PLD5: variants seen among roughly 807,000 people sequenced by gnomAD.
PLD5 encodes the protein inactive phospholipase D5.
A neutral mutation model predicts 61.1 loss-of-function variants in PLD5; 36 were observed. The ratio of observed to expected loss-of-function variants is 0.59; its 90% CI spans 0.45 to 0.78. The LOEUF is 0.78. Among genes scored for constraint, PLD5 ranks in the 30% least tolerant of loss-of-function variants. PLD5 has a pLI of 0.00. For synonymous variants in PLD5, 243 were observed against 242.8 expected (o/e 1.00, Z -0.01); for missense variants, 515 against 644.4 (o/e 0.80, Z 2.17).
chr1:242,275,387 ACTTAT>A (rs1674356865), intron 3 of PLD5, among the ~76,000 whole-genome samples: 1 of 152,110 alleles, frequency 6.6e-6, no homozygotes, highest in Non-Finnish European at 1.5e-5. Context: ...TTATTTACTT[ACTTAT>A]ATCTTACTGA....
chr1:242,102,947 T>C (rs1209534400), intron 8 of PLD5, among the ~76,000 whole-genome samples: 4 of 152,224 alleles, frequency 2.6e-5, no homozygotes, highest in Non-Finnish European at 5.9e-5. Context: ...TTCCTTGTAA[T>C]TTTTTGTAAT....
intron 3 of PLD5, among the ~76,000 whole-genome samples, chr1:242,271,201 CAGAGAGAGAGAGAGAGAGAGAG>C (rs60075638): frequency 2.0e-5 from 2 of 102,072 alleles, no homozygotes; most frequent in Non-Finnish European, 3.7e-5. Context: ...CACACACACA[CAGAGAGAGAGAGAGAGAGAGAG>C]AGAGAGAGAG....
intron 3 of PLD5, among the ~76,000 whole-genome samples, chr1:242,266,959 A>G (rs1673714910): frequency 6.6e-6 from 1 of 152,048 alleles, no homozygotes; most frequent in Non-Finnish European, 1.5e-5. Flanking sequence ...TCTACTAAAA[A>G]TACAAAAATC....
intron 1 of PLD5, among the ~76,000 whole-genome samples, chr1:242,488,325 C>G (rs892681572): frequency 6.6e-6 from 1 of 152,082 alleles, no homozygotes; most frequent in African/African-American, 2.4e-5. Context: ...ATCAAGATGT[C>G]CTTCAAGGGA....
At chr1:242,354,681 T>C (rs1432395004) in intron 1 of PLD5, among the ~76,000 whole-genome samples, 1 of 152,072 alleles carries the variant, frequency 6.6e-6, no homozygotes, top group African/African-American at 2.4e-5. Context: ...ATAGAAGTGA[T>C]GAGAATGGGC....
intron 1 of PLD5, among the ~76,000 whole-genome samples, chr1:242,352,439 T>C (rs1189455130): frequency 4.6e-5 from 7 of 152,224 alleles, no homozygotes; most frequent in Non-Finnish European, 1.0e-4. Context: ...TTTTCAAAAC[T>C]CCATTCATCT....
intron 2 of PLD5, among the ~76,000 whole-genome samples, chr1:242,347,264 G>A (rs565541992): frequency 1.6e-4 from 24 of 152,238 alleles, no homozygotes; most frequent in Admixed American, 4.6e-4. Context: ...TAGGAAAGTT[G>A]GGGGGTGGTC....
intron 5 of PLD5, among the ~76,000 whole-genome samples, chr1:242,139,919 G>A (rs1664032973): frequency 2.6e-5 from 4 of 152,184 alleles, no homozygotes; most frequent in Admixed American, 1.3e-4. Context: ...TCTGTCTGAA[G>A]AGACTCTTCT....
chr1:242,409,551 A>G (rs73132305), intron 1 of PLD5, among the ~76,000 whole-genome samples: 5,001 of 152,170 alleles, frequency 0.033, 288 homozygotes, highest in African/African-American at 0.11. Context: ...CTTTGTGTGT[A>G]TGGTTTTAAG....
intron 1 of PLD5, among the ~76,000 whole-genome samples, chr1:242,395,804 C>A (rs1018245039): frequency 6.6e-6 from 1 of 152,190 alleles, no homozygotes; most frequent in Non-Finnish European, 1.5e-5. Flanking sequence ...AATCCCAGCA[C>A]TCTGGGAGGC....
At chr1:242,243,988 A>G (rs902597560) in intron 4 of PLD5, among the ~76,000 whole-genome samples, 1 of 152,228 alleles carries the variant, frequency 6.6e-6, no homozygotes, top group Non-Finnish European at 1.5e-5. Flanking sequence ...TTTAGAAGGC[A>G]TAAGAGCAAT....
chr1:242,332,064 G>C (rs1380300236), intron 2 of PLD5, among the ~76,000 whole-genome samples: 2 of 151,984 alleles, frequency 1.3e-5, no homozygotes, highest in Admixed American at 6.6e-5. Flanking sequence ...AGACCCCAGT[G>C]TGTGATGTTC....
intron 5 of PLD5, among the ~76,000 whole-genome samples, chr1:242,135,350 G>T (rs1202404135): frequency 6.6e-6 from 1 of 152,158 alleles, no homozygotes; most frequent in Non-Finnish European, 1.5e-5. Context: ...GAGCTGGAGT[G>T]CACACTTCTG....
At chr1:242,164,945 C>G (rs1666192685) in intron 5 of PLD5, among the ~76,000 whole-genome samples, 2 of 152,130 alleles carry the variant, frequency 1.3e-5, no homozygotes, top group African/African-American at 4.8e-5. Context: ...TTCCACAGAC[C>G]ACATGACTGT....
intron 4 of PLD5, among the ~76,000 whole-genome samples, chr1:242,231,518 G>A (rs754432395): frequency 6.6e-6 from 1 of 152,164 alleles, no homozygotes; most frequent in African/African-American, 2.4e-5. Context: ...ATTCTGAGAT[G>A]ACAAACCTAC....
At chr1:242,436,747 G>T (rs1177950895) in intron 1 of PLD5, among the ~76,000 whole-genome samples, 3 of 152,204 alleles carry the variant, frequency 2.0e-5, no homozygotes, top group Non-Finnish European at 2.9e-5. Context: ...AATGTGTCTT[G>T]TCACTGCCTT....
At chr1:242,497,168 A>G (rs1012801153) in intron 1 of PLD5, among the ~76,000 whole-genome samples, 2 of 152,190 alleles carry the variant, frequency 1.3e-5, no homozygotes, top group Non-Finnish European at 2.9e-5. Context: ...TGCAGCCAAA[A>G]CTACATCTAC....
intron 2 of PLD5, among the ~76,000 whole-genome samples, chr1:242,337,942 T>G (rs1301425261): frequency 6.6e-6 from 1 of 152,166 alleles, no homozygotes; most frequent in Non-Finnish European, 1.5e-5. Context: ...AATCTTTTAT[T>G]GCTTGCTACC....
At position 242,516,250 on chromosome 1, in the gene PLD5, T is replaced by TTATATATATATATATA. The variant is rs57043354; in HGVS notation, c.189+7822_189+7837dup. Among the ~76,000 whole-genome samples the TTATATATATATATATA allele has an allele frequency of 3.7e-3, 517 of 138,460 alleles. 1 individual carries two copies. Among genetic ancestry groups the TTATATATATATATATA allele is most frequent in the African/African-American group, 0.013 (469 of 36,646 alleles). 90.8% of individuals were successfully genotyped at this position (138,460 alleles called of 152,430 possible). A position where few individuals can be genotyped will look rare whatever the true frequency, so the allele number is the denominator to read the frequency against. ...AAAAATATATTCTTCTAAAGTTAAA[T>TTATATATATATATATA]TATATATATATATATATATATATAT... On this transcript the variant is annotated intron_variant, in intron 1 of 9. Coordinates refer to ENST00000536534, the MANE Select transcript of PLD5 (RefSeq NM_001372062.1).
Sources: gnomAD v4.1 joint callset for allele counts (sites outside exome capture counted in the v4.1 genomes callset) on GRCh38, gnomAD v4.1.1 for gene constraint, MANE v1.5 for transcripts, NCBI Gene and HGNC (gene_info 2026-07-23, HGNC 2026-07-21) for gene names.